Variants in GRAMD1C observed in about 807,000 individuals in gnomAD.
The protein encoded by GRAMD1C is protein Aster-C.
Under a neutral mutation model 97.8 loss-of-function variants are expected in GRAMD1C, and 89 were observed. The ratio of observed to expected loss-of-function variants is 0.91; its 90% CI spans 0.77 to 1.09. The LOEUF (loss-of-function observed/expected upper bound fraction) is 1.09, where lower values mean the gene tolerates loss of function less well. GRAMD1C is among the 50% of genes least tolerant of loss of function. The pLI is 0.00. For synonymous variants in GRAMD1C, 256 were observed against 267.0 expected (o/e 0.96, Z 0.40); for missense variants, 740 against 766.4 (o/e 0.97, Z 0.41).
At chr3:113,847,836 TAAAAC>T (rs965512793) in intron 2 of GRAMD1C, among the ~76,000 whole-genome samples, 3 of 149,554 alleles carry the variant, frequency 2.0e-5, no homozygotes, top group Admixed American at 2.0e-4. Context: ...CAAATGAAAA[TAAAAC>T]AAAACACAAG....
upstream of GRAMD1C, among the ~76,000 whole-genome samples, chr3:113,837,259 A>G (rs950205748): frequency 1.3e-5 from 2 of 152,132 alleles, no homozygotes; most frequent in African/African-American, 4.8e-5. Context: ...TGAGTTAGCC[A>G]CTGTGCCTGG....
rs559434521 is a variant in GRAMD1C at position 113,938,217 on chromosome 3, A to G, written c.1691+74A>G. 2.3e-4 allele frequency: 166 copies of G among 707,290 alleles called. 1 individual carries two copies. Among genetic ancestry groups the G allele is most frequent in the Middle Eastern group, 1.1e-3 (4 of 3,724 alleles). The allele number at this position is 707,290 out of a possible 1,614,324, so 43.8% of individuals were successfully genotyped here. A position where few individuals can be genotyped will look rare whatever the true frequency, so the allele number is the denominator to read the frequency against. ...TTAACTAGTTTCCAAAAGAATTTGA[A>G]TGTATTTGTATATTATTGTGTAGAA... On this transcript the variant is annotated intron_variant, in intron 15 of 17. Coordinates refer to ENST00000358160, the MANE Select transcript of GRAMD1C (RefSeq NM_017577.5).
intron 8 of GRAMD1C, among the ~76,000 whole-genome samples, chr3:113,907,766 T>C (rs1407834150): frequency 1.3e-5 from 2 of 152,204 alleles, no homozygotes; most frequent in Non-Finnish European, 2.9e-5. Flanking sequence ...AGATAGTGAC[T>C]CTTACTTTTC....
chr3:113,887,096 G>GTTTTTTTTTTTTTTTTTT (rs59820635), intron 6 of GRAMD1C, among the ~76,000 whole-genome samples: 1 of 94,050 alleles, frequency 1.1e-5, no homozygotes, highest in Non-Finnish European at 2.1e-5. Flanking sequence ...TTTTTTTTTT[G>GTTTTTTTTTTTTTTTTTT]TTTTTTTTTT....
intron 12 of GRAMD1C, 111 bp downstream of exon 12, chr3:113,933,764 A>T: frequency 1.3e-6 from 1 of 763,416 alleles, no homozygotes; most frequent in East Asian, 2.7e-5. Context: ...TCTTGCTTAA[A>T]TTACATTTCC....
At chr3:113,885,892 C>T (rs1445347651) in intron 6 of GRAMD1C, 5 of 1,612,526 alleles carry the variant, frequency 3.1e-6, no homozygotes, top group East Asian at 2.2e-5. Context: ...CCAGACAATG[C>T]CATCCCCATC....
At chr3:113,914,732 G>A (rs759212267) in intron 9 of GRAMD1C, among the ~76,000 whole-genome samples, 7 of 151,184 alleles carry the variant, frequency 4.6e-5, no homozygotes, top group African/African-American at 9.7e-5. Context: ...TCCTTCTGGC[G>A]GTATAAAATA....
At chr3:113,854,256 A>G (rs1162766167) in intron 2 of GRAMD1C, among the ~76,000 whole-genome samples, 2 of 152,148 alleles carry the variant, frequency 1.3e-5, no homozygotes, top group African/African-American at 4.8e-5. Flanking sequence ...CCAGAAGTAA[A>G]TTGAGAAGTT....
At chr3:113,857,522 CCCA>C in intron 2 of GRAMD1C, among the ~76,000 whole-genome samples, 2 of 151,960 alleles carry the variant, frequency 1.3e-5, no homozygotes, top group African/African-American at 4.8e-5. Flanking sequence ...ACTACGGGCG[CCCA>C]CCACCACGCC....
intron 6 of GRAMD1C, among the ~76,000 whole-genome samples, chr3:113,886,251 T>C (rs1935473253): frequency 6.6e-6 from 1 of 152,180 alleles, no homozygotes; most frequent in African/African-American, 2.4e-5. Context: ...AACTTCATGT[T>C]CACACTCCAT....
At chr3:113,862,969 ACT>A (rs1472738816) in intron 2 of GRAMD1C, among the ~76,000 whole-genome samples, 1 of 151,748 alleles carries the variant, frequency 6.6e-6, no homozygotes, top group Non-Finnish European at 1.5e-5. Flanking sequence ...AGAAGTTAAA[ACT>A]CTCATACATT....
chr3:113,942,209 C>T (rs1177607853), intron 17 of GRAMD1C, among the ~76,000 whole-genome samples: 2 of 151,168 alleles, frequency 1.3e-5, no homozygotes, highest in Admixed American at 1.3e-4. Flanking sequence ...CCACTGCTCC[C>T]AGCTGCAATT....
rs113821615 is a variant in GRAMD1C at position 113,882,677 on chromosome 3, G to T, written c.460-75G>T. 13 of 846,528 alleles carry T rather than the reference G, an allele frequency of 1.5e-5. No individual in the cohort carries two copies. In the African/African-American group the frequency reaches 2.2e-4, roughly 14 times the overall value. The allele number at this position is 846,528 out of a possible 1,614,324, so 52.4% of individuals were successfully genotyped here. ...GTTTGTTTTAACCATAAGCAAGTCC[G>T]CATAGACTTTCATGACAGATAATCT... On this transcript the variant is annotated intron_variant, in intron 5 of 17. Coordinates refer to ENST00000358160, the MANE Select transcript of GRAMD1C (RefSeq NM_017577.5).
intron 8 of GRAMD1C, among the ~76,000 whole-genome samples, chr3:113,908,641 T>C (rs1936451915): frequency 6.6e-6 from 1 of 152,178 alleles, no homozygotes; most frequent in South Asian, 2.1e-4. Flanking sequence ...AATGGATTGT[T>C]CTATTATTTT....
At chr3:113,905,393 G>A (rs1936333664) in intron 8 of GRAMD1C, among the ~76,000 whole-genome samples, 1 of 152,176 alleles carries the variant, frequency 6.6e-6, no homozygotes, top group African/African-American at 2.4e-5. Flanking sequence ...ACCATATTCT[G>A]AGTACTAGGA....
rs530621275 is a variant in GRAMD1C, at chr3:113,900,647, C to T, written c.541-384C>T. On this transcript the variant is annotated intron_variant, in intron 6 of 17. Coordinates refer to ENST00000358160, the MANE Select transcript of GRAMD1C (RefSeq NM_017577.5). ...TTCACCATGTTGGCCAGGATGGTCT[C>T]GATCTCTTGACCTCGTGATCTGCCT... is the stretch of plus-strand genomic sequence containing the variant. Among the ~76,000 whole-genome samples, 8 of 150,938 alleles carry T rather than the reference C, an allele frequency of 5.3e-5. No homozygotes were observed. In the East Asian group the frequency reaches 7.9e-4, roughly 15 times the overall value.
At chr3:113,912,290 T>C (rs761827271) in intron 9 of GRAMD1C, among the ~76,000 whole-genome samples, 2 of 152,204 alleles carry the variant, frequency 1.3e-5, no homozygotes, top group Non-Finnish European at 2.9e-5. Context: ...TGTTAGTCAA[T>C]GTAAGCCCAT....
intron 10 of GRAMD1C, among the ~76,000 whole-genome samples, chr3:113,923,973 G>A (rs1166174389): frequency 6.6e-6 from 1 of 151,830 alleles, no homozygotes. Flanking sequence ...CTTTGTCTGT[G>A]CGGGGTTTTA....
intron 2 of GRAMD1C, among the ~76,000 whole-genome samples, chr3:113,857,944 ATTG>A (rs1344576538): frequency 6.6e-6 from 1 of 152,084 alleles, no homozygotes; most frequent in Non-Finnish European, 1.5e-5. Context: ...CATGAGGGAT[ATTG>A]TTCTGTAATT....
Sources: gnomAD v4.1 joint callset for allele counts (sites outside exome capture counted in the v4.1 genomes callset) on GRCh38, gnomAD v4.1.1 for gene constraint, MANE v1.5 for transcripts, NCBI Gene and HGNC (gene_info 2026-07-23, HGNC 2026-07-21) for gene names.